The following C1orf21 variants were observed in gnomAD, a reference collection of about 807,000 sequenced individuals.
C1orf21 encodes the protein chromosome 1 open reading frame 21, also known as uncharacterized protein C1orf21.
Under a neutral mutation model 18.7 loss-of-function variants are expected in C1orf21, and 3 were observed. The ratio of observed to expected loss-of-function variants is 0.16; its 90% confidence interval spans 0.07 to 0.42. C1orf21 has a LOEUF of 0.42. C1orf21 is among the 10% of genes least tolerant of loss of function. The pLI is 0.99. For missense variants in C1orf21, 104 were observed against 143.6 expected (o/e 0.72, Z 1.41); for synonymous variants, 41 against 46.4 (o/e 0.88, Z 0.47).
intron 2 of C1orf21, among the ~76,000 whole-genome samples, chr1:184,499,946 G>A (rs762900885): frequency 1.3e-5 from 2 of 152,164 alleles, no homozygotes; most frequent in African/African-American, 4.8e-5. Context: ...GCTGACCTGC[G>A]ACTTCAAGAG....
chr1:184,505,313 A>ATATATG (rs1393866475), intron 2 of C1orf21, among the ~76,000 whole-genome samples: 2 of 126,376 alleles, frequency 1.6e-5, no homozygotes, highest in African/African-American at 7.3e-5. Flanking sequence ...AGAAATATAT[A>ATATATG]TATATATATA....
intron 5 of C1orf21, among the ~76,000 whole-genome samples, chr1:184,614,135 AT>A (rs1659782000): frequency 6.6e-6 from 1 of 152,092 alleles, no homozygotes; most frequent in Non-Finnish European, 1.5e-5. Flanking sequence ...TGTGGGCCCC[AT>A]TTCTCACCTA....
chr1:184,509,580 A>T (rs563885953), intron 3 of C1orf21, among the ~76,000 whole-genome samples: 1 of 152,272 alleles, frequency 6.6e-6, no homozygotes, highest in East Asian at 1.9e-4. Flanking sequence ...TACCTACTCC[A>T]TCCTTTGGGG....
chr1:184,613,150 AT>A (rs1378823065), intron 5 of C1orf21, among the ~76,000 whole-genome samples: 2 of 152,154 alleles, frequency 1.3e-5, no homozygotes, highest in Non-Finnish European at 2.9e-5. Flanking sequence ...GGGTTTCACC[AT>A]GTTGGTCAGG....
chr1:184,393,668 A>C (rs1317120417), intron 1 of C1orf21, among the ~76,000 whole-genome samples: 1 of 152,234 alleles, frequency 6.6e-6, no homozygotes, highest in African/African-American at 2.4e-5. Context: ...AAGCTAAAGG[A>C]AATATCTTGA....
At chr1:184,569,382 C>T (rs185277493) in intron 3 of C1orf21, among the ~76,000 whole-genome samples, 15 of 152,254 alleles carry the variant, frequency 9.9e-5, no homozygotes, top group Non-Finnish European at 1.6e-4. Context: ...TTTTCCAGAG[C>T]GTGGTTGAAA....
chr1:184,628,094 T>C lies in C1orf21; in HGVS notation c.*8538T>C, dbSNP rs929729125. The C allele has an allele frequency of 2.0e-5, 3 of 152,210 alleles. No homozygotes were observed. Among genetic ancestry groups the C allele is most frequent in the African/African-American group, 4.8e-5 (2 of 41,446 alleles). The allele number at this position is 152,210 out of a possible 1,614,324, so 9.4% of individuals were successfully genotyped here. A position where few individuals can be genotyped will look rare whatever the true frequency, so the allele number is the denominator to read the frequency against. ...CAGGTCTGGGAGGTATCTTGGGGCATTGCTCTTCTGAACACCTGCAGAGGC... is the reference window on the plus strand; with the variant it reads ...CAGGTCTGGGAGGTATCTTGGGGCACTGCTCTTCTGAACACCTGCAGAGGC... On this transcript the variant is annotated 3_prime_UTR_variant, in exon 6 of 6. Transcript: ENST00000235307.
At chr1:184,593,291 G>GTGTACACACACATGTGTGTA (rs1197806391) in intron 4 of C1orf21, among the ~76,000 whole-genome samples, 3 of 150,664 alleles carry the variant, frequency 2.0e-5, no homozygotes, top group Non-Finnish European at 4.4e-5. Context: ...GTGTGTGTGT[G>GTGTACACACACATGTGTGTA]TGTACACACA....
At chr1:184,618,640 C>CG (rs1457717555) in intron 5 of C1orf21, among the ~76,000 whole-genome samples, 2 of 145,944 alleles carry the variant, frequency 1.4e-5, no homozygotes, top group South Asian at 2.3e-4. Context: ...GAACATTCCC[C>CG]CCCCCCAAGA....
intron 2 of C1orf21, among the ~76,000 whole-genome samples, chr1:184,505,627 G>T (rs997614506): frequency 6.6e-6 from 1 of 151,766 alleles, no homozygotes; most frequent in Admixed American, 6.6e-5. Context: ...GCCAGGCATG[G>T]TAGCAGGCGC....
intron 2 of C1orf21, among the ~76,000 whole-genome samples, chr1:184,502,113 T>C (rs1657984159): frequency 6.6e-6 from 1 of 152,234 alleles, no homozygotes; most frequent in African/African-American, 2.4e-5. Context: ...TACACCACTG[T>C]GTTAGTTCAT....
intron 3 of C1orf21, among the ~76,000 whole-genome samples, chr1:184,548,672 C>T (rs1170919851): frequency 6.6e-6 from 1 of 152,098 alleles, no homozygotes; most frequent in African/African-American, 2.4e-5. Flanking sequence ...TTTTCACTAA[C>T]CTTTAATGGA....
At chr1:184,574,077 C>T (rs192490247) in intron 3 of C1orf21, among the ~76,000 whole-genome samples, 2 of 152,020 alleles carry the variant, frequency 1.3e-5, no homozygotes, top group Admixed American at 6.5e-5. Flanking sequence ...TGGTGGTACA[C>T]GCCTGTAATC....
At chr1:184,558,489 T>G (rs901674114) in intron 3 of C1orf21, among the ~76,000 whole-genome samples, 1 of 152,222 alleles carries the variant, frequency 6.6e-6, no homozygotes, top group Admixed American at 6.5e-5. Context: ...CATAAACCAT[T>G]AGATTGTAAG....
chr1:184,510,600 T>C (rs898388676), intron 3 of C1orf21, among the ~76,000 whole-genome samples: 1 of 152,146 alleles, frequency 6.6e-6, no homozygotes, highest in Admixed American at 6.5e-5. Context: ...ACATAAGATA[T>C]ATTTAATAAA....
chr1:184,491,563 G>T (rs1350623891), intron 2 of C1orf21, among the ~76,000 whole-genome samples: 2 of 152,078 alleles, frequency 1.3e-5, no homozygotes, highest in East Asian at 3.9e-4. Context: ...TATTGCCCAG[G>T]CTGTTCTCGA....
At chr1:184,488,916 G>T (rs377726955) in intron 2 of C1orf21, among the ~76,000 whole-genome samples, 13 of 152,240 alleles carry the variant, frequency 8.5e-5, no homozygotes, top group Non-Finnish European at 1.9e-4. Context: ...AGTGAGCCAA[G>T]ATCATGCCAC....
At chr1:184,512,199 T>C (rs900947444) in intron 3 of C1orf21, among the ~76,000 whole-genome samples, 2 of 152,322 alleles carry the variant, frequency 1.3e-5, no homozygotes, top group Non-Finnish European at 2.9e-5. Flanking sequence ...TTAAAGATTC[T>C]CCATTATTCA....
intron 3 of C1orf21, among the ~76,000 whole-genome samples, chr1:184,571,176 A>G (rs887922671): frequency 5.3e-5 from 8 of 150,534 alleles, no homozygotes; most frequent in Admixed American, 2.0e-4. Context: ...GGGCGCCTGT[A>G]GTCCCAGCTA....
Sources: allele counts gnomAD v4.1 joint callset (sites outside exome capture counted in the v4.1 genomes callset), GRCh38; gene constraint gnomAD v4.1.1; transcripts MANE v1.5; gene names NCBI Gene and HGNC (gene_info 2026-07-23, HGNC 2026-07-21).